Variants in OTUD7A observed in about 807,000 individuals in gnomAD.
OTUD7A encodes the protein OTU domain-containing protein 7A.
Under a neutral mutation model 65.7 loss-of-function variants are expected in OTUD7A, and 12 were observed. The observed-to-expected ratio is 0.18, with a 90% CI of 0.12 to 0.30. OTUD7A has a LOEUF of 0.30. OTUD7A is among the 10% of genes least tolerant of loss of function. The probability of loss-of-function intolerance (pLI) is 1.00; values close to 1 mark genes in which losing one functional copy is unlikely to be tolerated. For synonymous variants in OTUD7A, 641 were observed against 586.3 expected (o/e 1.09, Z -1.35); for missense variants, 1,148 against 1,304.8 (o/e 0.88, Z 1.85).
intron 10 of OTUD7A, among the ~76,000 whole-genome samples, chr15:31,497,685 G>C (rs530852388): frequency 2.0e-5 from 3 of 152,266 alleles, no homozygotes; most frequent in South Asian, 2.1e-4. Flanking sequence ...CTTATCCCAA[G>C]CAGGCTTTGA....
chr15:31,850,977 A>G (rs931196496), intron 1 of OTUD7A, among the ~76,000 whole-genome samples: 9 of 152,152 alleles, frequency 5.9e-5, no homozygotes, highest in Admixed American at 2.0e-4. Context: ...CCACCCCACC[A>G]ACACCACTAC....
chr15:31,606,750 G>A (rs1397943343), intron 3 of OTUD7A, among the ~76,000 whole-genome samples: 1 of 152,110 alleles, frequency 6.6e-6, no homozygotes, highest in African/African-American at 2.4e-5. Context: ...GGCATTAAAT[G>A]GGTAATATTT....
intron 1 of OTUD7A, among the ~76,000 whole-genome samples, chr15:31,819,673 T>C (rs1194019290): frequency 6.6e-6 from 1 of 152,056 alleles, no homozygotes; most frequent in Non-Finnish European, 1.5e-5. Flanking sequence ...CACTTCATTT[T>C]TATACAAACA....
intron 3 of OTUD7A, among the ~76,000 whole-genome samples, chr15:31,612,444 C>T (rs1046998213): frequency 6.6e-6 from 1 of 152,060 alleles, no homozygotes; most frequent in African/African-American, 2.4e-5. Context: ...AAGAATTCAC[C>T]AGTTTCTGGA....
At chr15:31,862,717 T>C (rs1897777296) in intron 1 of OTUD7A, among the ~76,000 whole-genome samples, 1 of 152,150 alleles carries the variant, frequency 6.6e-6, no homozygotes, top group South Asian at 2.1e-4. Flanking sequence ...CAATTCAAGT[T>C]GAGATTTGGG....
At chr15:31,847,864 A>G (rs1897325569) in intron 1 of OTUD7A, among the ~76,000 whole-genome samples, 1 of 152,162 alleles carries the variant, frequency 6.6e-6, no homozygotes, top group African/African-American at 2.4e-5. Flanking sequence ...ACCACATTGG[A>G]GCAGGAGAGA....
intron 8 of OTUD7A, among the ~76,000 whole-genome samples, chr15:31,510,080 C>CTGT (rs2041660225): frequency 1.4e-5 from 2 of 148,122 alleles, no homozygotes; most frequent in Non-Finnish European, 3.0e-5. Flanking sequence ...TCTGTTTCCC[C>CTGT]TGTTTTTTTT....
chr15:31,545,876 T>C (rs1292735417), intron 5 of OTUD7A, among the ~76,000 whole-genome samples: 4 of 152,200 alleles, frequency 2.6e-5, no homozygotes, highest in African/African-American at 7.2e-5. Flanking sequence ...CTAAGTACAA[T>C]TGACCCTCTG....
At chr15:31,748,319 A>G (rs747870236) in intron 1 of OTUD7A, among the ~76,000 whole-genome samples, 2 of 151,952 alleles carry the variant, frequency 1.3e-5, no homozygotes, top group Non-Finnish European at 2.9e-5. Context: ...AAAAAACTCC[A>G]CGATGATATA....
chr15:31,485,790 C>T (rs1566879014), intron 12 of OTUD7A, among the ~76,000 whole-genome samples: 1 of 151,984 alleles, frequency 6.6e-6, no homozygotes, highest in African/African-American at 2.4e-5. Context: ...CATTGCTCTC[C>T]CACTTAATTT....
intron 5 of OTUD7A, among the ~76,000 whole-genome samples, chr15:31,544,137 T>C (rs1888062314): frequency 1.3e-5 from 2 of 151,858 alleles, no homozygotes; most frequent in Admixed American, 1.3e-4. Flanking sequence ...CAATAATTCA[T>C]GGGTCAAATA....
At chr15:31,554,230 C>T (rs1888418920) in intron 5 of OTUD7A, among the ~76,000 whole-genome samples, 1 of 152,158 alleles carries the variant, frequency 6.6e-6, no homozygotes, top group Non-Finnish European at 1.5e-5. Flanking sequence ...TTCATGCTCC[C>T]CTTGTTCATC....
intron 1 of OTUD7A, among the ~76,000 whole-genome samples, chr15:31,677,504 T>C (rs922944738): frequency 5.9e-5 from 9 of 152,244 alleles, no homozygotes; most frequent in East Asian, 1.9e-4. Context: ...GTGGAGGTAA[T>C]TGGATCATGG....
At chr15:31,485,906 ACT>A (rs1431740151) in intron 12 of OTUD7A, among the ~76,000 whole-genome samples, 3 of 151,834 alleles carry the variant, frequency 2.0e-5, no homozygotes, top group African/African-American at 7.3e-5. Flanking sequence ...ACCACCTCCC[ACT>A]CTGACATTCC....
intron 1 of OTUD7A, among the ~76,000 whole-genome samples, chr15:31,681,722 T>C (rs1242206764): frequency 4.6e-5 from 7 of 151,298 alleles, no homozygotes; most frequent in South Asian, 4.2e-4. Flanking sequence ...TTCATGGTGC[T>C]TGACACAGAG....
intron 1 of OTUD7A, among the ~76,000 whole-genome samples, chr15:31,738,417 CCA>C (rs1040884017): frequency 1.3e-5 from 2 of 152,126 alleles, no homozygotes; most frequent in African/African-American, 4.8e-5. Flanking sequence ...GGAACTCCAG[CCA>C]CCACCATCAG....
intron 1 of OTUD7A, among the ~76,000 whole-genome samples, chr15:31,844,575 CT>C (rs1415099576): frequency 6.6e-6 from 1 of 152,208 alleles, no homozygotes; most frequent in Non-Finnish European, 1.5e-5. Context: ...CCTTCTTGTC[CT>C]TGGCCTCCTA....
At chr15:31,741,675 A>G (rs1894348909) in intron 1 of OTUD7A, among the ~76,000 whole-genome samples, 1 of 152,144 alleles carries the variant, frequency 6.6e-6, no homozygotes, top group Admixed American at 6.5e-5. Context: ...AAGAGACAAT[A>G]AAAGCCATAG....
chr15:31,844,839 A>G (rs903354263), intron 1 of OTUD7A, among the ~76,000 whole-genome samples: 2 of 152,250 alleles, frequency 1.3e-5, no homozygotes, highest in Non-Finnish European at 2.9e-5. Context: ...CCTGCCAGGA[A>G]CAGTGCAAAT....
Sources: gnomAD v4.1 joint callset for allele counts (sites outside exome capture counted in the v4.1 genomes callset) on GRCh38, gnomAD v4.1.1 for gene constraint, MANE v1.5 for transcripts, NCBI Gene and HGNC (gene_info 2026-07-23, HGNC 2026-07-21) for gene names.